Variants in DIAPH2 observed in about 807,000 individuals in gnomAD.
DIAPH2 encodes the protein protein diaphanous homolog 2.
A neutral mutation model predicts 92.7 loss-of-function variants in DIAPH2; 35 were observed. The observed-to-expected ratio is 0.38, with a 90% confidence interval of 0.29 to 0.50. The LOEUF (loss-of-function observed/expected upper bound fraction) is 0.50. DIAPH2 is among the 20% of genes least tolerant of loss of function. The pLI, the probability that DIAPH2 is intolerant of heterozygous loss-of-function variation, is 0.94. For missense variants in DIAPH2, 701 were observed against 819.5 expected, an observed-to-expected ratio of 0.86 and a Z score of 1.77; for synonymous variants, 301 against 280.4, an observed-to-expected ratio of 1.07 and a Z score of -0.73.
intron 11 of DIAPH2, 101 bp downstream of exon 11, chrX:96,937,452 A>G (rs2065664934): frequency 2.3e-6 from 1 of 434,248 alleles, no homozygotes; most frequent in Non-Finnish European, 4.0e-6. Flanking sequence ...CTGCCCTCCC[A>G]ATTTATATCC....
chrX:97,139,873 A>G (rs1045739338), intron 21 of DIAPH2, among the ~76,000 whole-genome samples: 1 of 111,091 alleles, frequency 9.0e-6, no homozygotes, highest in Non-Finnish European at 1.9e-5. Context: ...CACCCATAAA[A>G]TTGACATATG....
chrX:97,045,460 T>C (rs886165895), intron 17 of DIAPH2, among the ~76,000 whole-genome samples: 5 of 111,430 alleles, frequency 4.5e-5, no homozygotes, highest in African/African-American at 1.6e-4. Flanking sequence ...ATTCACATAA[T>C]ACATCGGGTT....
intron 25 of DIAPH2, among the ~76,000 whole-genome samples, chrX:97,386,485 T>C (rs2069601745): frequency 9.0e-6 from 1 of 110,960 alleles, no homozygotes; most frequent in African/African-American, 3.3e-5. Context: ...CTGGCTAATA[T>C]GGTGAAACAC....
At chrX:97,130,466 A>G (rs1170031834) in intron 21 of DIAPH2, among the ~76,000 whole-genome samples, 1 of 112,055 alleles carries the variant, frequency 8.9e-6, no homozygotes, top group African/African-American at 3.2e-5. Flanking sequence ...AATATGAATG[A>G]ATCTCCGTGA....
At chrX:96,780,866 G>A (rs1189722202) in intron 4 of DIAPH2, among the ~76,000 whole-genome samples, 1 of 106,850 alleles carries the variant, frequency 9.4e-6, no homozygotes, top group African/African-American at 3.5e-5. Flanking sequence ...GGAGTGCAGT[G>A]GCTCGATCTC....
At position 97,579,220 on chromosome X, in the gene DIAPH2, G is replaced by T. The variant is rs1245678040; in HGVS notation, c.3242-20033G>T. Among the ~76,000 whole-genome samples the T allele has an allele frequency of 8.1e-5, 9 of 110,627 alleles. No individual in the cohort carries two copies. The East Asian group carries it at 2.6e-3, about 32-fold the overall frequency. ...TTTGTCTTTTGTTGCCATTGCTTTT[G>T]GTGTTTTAGACATGAAGTCCTTGCC... On this transcript the variant is annotated intron_variant, in intron 26 of 26. Coordinates refer to ENST00000324765, the MANE Select transcript of DIAPH2 (RefSeq NM_006729.5).
intron 17 of DIAPH2, among the ~76,000 whole-genome samples, chrX:97,004,284 T>G (rs1223344111): frequency 9.0e-6 from 1 of 111,644 alleles, no homozygotes; most frequent in Non-Finnish European, 1.9e-5. Context: ...CTTTTGTGGT[T>G]CCATAAAAGT....
intron 4 of DIAPH2, among the ~76,000 whole-genome samples, chrX:96,783,550 A>T (rs965188125): frequency 2.7e-5 from 3 of 112,346 alleles, no homozygotes; most frequent in African/African-American, 9.7e-5. Flanking sequence ...TGTAATGAAG[A>T]CATATGTAGA....
At chrX:96,812,952 A>G (rs886500492) in intron 4 of DIAPH2, among the ~76,000 whole-genome samples, 13 of 111,523 alleles carry the variant, frequency 1.2e-4, no homozygotes, top group Non-Finnish European at 1.9e-4. Flanking sequence ...TATGTGGTCA[A>G]TTTTGGAATA....
At chrX:96,974,382 A>ATATATGGATAGG (rs2065947658) in intron 17 of DIAPH2, among the ~76,000 whole-genome samples, 1 of 111,790 alleles carries the variant, frequency 8.9e-6, no homozygotes, top group Non-Finnish European at 1.9e-5. Flanking sequence ...GGTGATGGGA[A>ATATATGGATAGG]TATATGGATA....
intron 16 of DIAPH2, among the ~76,000 whole-genome samples, chrX:96,962,348 TATACACATATATATATAC>T (rs1569436489): frequency 1.0e-4 from 7 of 68,476 alleles, no homozygotes; most frequent in African/African-American, 4.6e-4. Context: ...CATATATATA[TATACACATATATATATAC>T]ACATATATAT....
In DIAPH2 at chrX:97,176,822, T is replaced by C. The variant is rs755892237; in HGVS notation, c.2719+35028T>C. Among the ~76,000 whole-genome samples, 6 of 111,744 alleles carry C rather than the reference T, an allele frequency of 5.4e-5. No individual in the cohort carries two copies. In the East Asian group the frequency reaches 1.4e-3, roughly 26 times the overall value. The stretch of plus-strand genomic sequence containing the variant: ...GATTACAGGCGTGAGCCACCGCGCC[T>C]GGCCGAAGTATTGGTTTTAAGACCT... On this transcript the variant is annotated intron_variant, in intron 22 of 26. Coordinates refer to ENST00000324765, the MANE Select transcript of DIAPH2 (RefSeq NM_006729.5).
intron 17 of DIAPH2, among the ~76,000 whole-genome samples, chrX:96,978,087 T>C (rs930253779): frequency 1.8e-5 from 2 of 112,293 alleles, no homozygotes; most frequent in African/African-American, 6.5e-5. Context: ...GCTTTGTTCT[T>C]ACTGGATATT....
chrX:96,707,639 C>A (rs1464635584), intron 1 of DIAPH2, among the ~76,000 whole-genome samples: 2 of 108,232 alleles, frequency 1.8e-5, no homozygotes, highest in African/African-American at 6.7e-5. Flanking sequence ...CAGAGTGAGA[C>A]TCTGTCTCAA....
intron 3 of DIAPH2, among the ~76,000 whole-genome samples, chrX:96,757,639 A>C (rs1261236069): frequency 8.9e-6 from 1 of 112,252 alleles, no homozygotes; most frequent in Admixed American, 9.4e-5. Context: ...TATTACCGCA[A>C]TACCGCTGTT....
chrX:97,311,126 C>T (rs1228373542), intron 23 of DIAPH2, among the ~76,000 whole-genome samples: 1 of 112,199 alleles, frequency 8.9e-6, no homozygotes, highest in African/African-American at 3.2e-5. Context: ...GAGACATGCA[C>T]TCAGTTAGGT....
At chrX:97,362,560 T>C in intron 24 of DIAPH2, among the ~76,000 whole-genome samples, 1 of 112,563 alleles carries the variant, frequency 8.9e-6, no homozygotes, top group Non-Finnish European at 1.9e-5. Flanking sequence ...TCTAATTTGC[T>C]TGAAAAGCTA....
Position 97,025,126 on chromosome X carries a change from G to A in DIAPH2, c.2051-47815G>A, listed in dbSNP as rs763862896. On this transcript the variant is annotated intron_variant, in intron 17 of 26. Transcript: ENST00000324765. Reference sequence around the variant, plus strand: ...AGCACTTTGGGAGGCCGAGGTGGGCGGATCACTTGAGGTCAGAAGTTTGAG... The same window carrying A: ...AGCACTTTGGGAGGCCGAGGTGGGCAGATCACTTGAGGTCAGAAGTTTGAG... Among the ~76,000 whole-genome samples, 6 of 111,465 alleles carry A rather than the reference G, an allele frequency of 5.4e-5. No homozygotes were observed. In the East Asian group the frequency reaches 1.1e-3, roughly 21 times the overall value.
At chrX:96,690,932 A>G (rs932341016) in intron 1 of DIAPH2, among the ~76,000 whole-genome samples, 4 of 112,070 alleles carry the variant, frequency 3.6e-5, no homozygotes, top group Non-Finnish European at 7.5e-5. Flanking sequence ...AATTATCCGT[A>G]GCACTGAGTC....
Sources: gnomAD v4.1 joint callset for allele counts (sites outside exome capture counted in the v4.1 genomes callset) on GRCh38, gnomAD v4.1.1 for gene constraint, MANE v1.5 for transcripts, NCBI Gene and HGNC (gene_info 2026-07-23, HGNC 2026-07-21) for gene names.